PRDM10: variants seen among roughly 807,000 people sequenced by gnomAD.
PRDM10 encodes the protein PR domain zinc finger protein 10.
A neutral mutation model predicts 133.1 loss-of-function variants in PRDM10; 65 were observed. The ratio of observed to expected loss-of-function variants is 0.49; its 90% CI spans 0.40 to 0.60. The LOEUF is 0.60. Among genes scored for constraint, PRDM10 ranks in the 20% least tolerant of loss-of-function variants. The pLI is 0.00. For synonymous variants in PRDM10, 582 were observed against 580.4 expected (o/e 1.00, Z -0.04); for missense variants, 1,137 against 1,507.1 (o/e 0.75, Z 4.07).
Position 129,947,256 on chromosome 11 carries a change from CCT to C in PRDM10, c.407_408del (p.Glu136GlyfsTer2). ...TCAGTGTCCTCGTCCTCATCCTCAT[CCT>C]CTTCCTCTTTGGCCTCCAGTCTGCC... is the stretch of plus-strand genomic sequence containing the variant. ...PLGRLEAKEEEDEDEDEDTEE... is the reference protein window; with the variant it reads ...PLGRLEAKEEXDEDEDEDTEE... On this transcript the variant is annotated frameshift_variant, in exon 5 of 21. Coordinates refer to ENST00000360871, the MANE Select transcript of PRDM10 (RefSeq NM_199437.2). LOFTEE classifies it high-confidence loss of function. The surrounding 1 kb of genome is among the most constrained non-coding windows in gnomAD (Gnocchi z 4.6). The C allele has an allele frequency of 6.2e-7, 1 of 1,614,174 alleles. No individual in the cohort carries two copies. The highest frequency in any genetic ancestry group is 8.5e-7 in the Non-Finnish European group (1 of 1,180,028).
In PRDM10 at chr11:129,900,465, A is replaced by G. The variant is rs1454661565; in HGVS notation, c.*1848T>C. ...TTAAAACAACTGCCATAAAATGAAC[A>G]TTCCATTCAGTGATTCTTTTCAGTT... is the stretch of plus-strand genomic sequence containing the variant. On this transcript the variant is annotated 3_prime_UTR_variant, in exon 21 of 21. Coordinates refer to ENST00000360871, the MANE Select transcript of PRDM10 (RefSeq NM_199437.2). The G allele has an allele frequency of 6.5e-6, 1 of 152,682 alleles. No homozygotes were observed. Among genetic ancestry groups the G allele is most frequent in the Non-Finnish European group, 1.5e-5 (1 of 68,048 alleles). The allele number at this position is 152,682 out of a possible 1,614,324, so 9.5% of individuals were successfully genotyped here.
intron 20 of PRDM10, 57 bp from the exon 21 acceptor site, chr11:129,902,573 C>T (rs1949875888): frequency 1.9e-6 from 3 of 1,564,726 alleles, no homozygotes; most frequent in African/African-American, 2.7e-5. Context: ...GAGGGTGAAG[C>T]TACTGGGGAA....
chr11:129,934,241 G>A (rs191188783), intron 9 of PRDM10, among the ~76,000 whole-genome samples: 1 of 152,208 alleles, frequency 6.6e-6, no homozygotes, highest in African/African-American at 2.4e-5. Flanking sequence ...ATGCTAGTGG[G>A]CTCACTTTCA....
At chr11:129,938,059 C>A (rs1425512061) in intron 7 of PRDM10, among the ~76,000 whole-genome samples, 1 of 152,176 alleles carries the variant, frequency 6.6e-6, no homozygotes, top group East Asian at 1.9e-4. Flanking sequence ...ACCAATGACA[C>A]CTTCCAAGGC....
chr11:129,998,899 T>A (rs1475072651), intron 1 of PRDM10, among the ~76,000 whole-genome samples: 1 of 150,978 alleles, frequency 6.6e-6, no homozygotes, highest in Non-Finnish European at 1.5e-5. Context: ...CTCGGCTCAC[T>A]GCAGCCGCTA....
At chr11:129,904,000 A>G (rs922423584) in intron 20 of PRDM10, among the ~76,000 whole-genome samples, 2 of 152,170 alleles carry the variant, frequency 1.3e-5, no homozygotes, top group African/African-American at 4.8e-5. Flanking sequence ...TACAGGGAAC[A>G]AAAAATGTCC....
At chr11:129,951,597 C>T (rs941702403) in intron 4 of PRDM10, among the ~76,000 whole-genome samples, 1 of 152,208 alleles carries the variant, frequency 6.6e-6, no homozygotes, top group African/African-American at 2.4e-5. Context: ...TAATACCACT[C>T]TCTGTAATTA....
chr11:129,913,552 C>A (rs1313230690), intron 17 of PRDM10, among the ~76,000 whole-genome samples: 3 of 152,230 alleles, frequency 2.0e-5, no homozygotes, highest in South Asian at 4.2e-4. Context: ...AGTTTGTCAC[C>A]ATTAACCCAC....
intron 2 of PRDM10, among the ~76,000 whole-genome samples, 158 bp from the exon 3 acceptor site, chr11:129,958,068 T>C (rs1160708379): frequency 1.3e-5 from 2 of 152,210 alleles, no homozygotes; most frequent in African/African-American, 4.8e-5. Flanking sequence ...TGCAAGGACC[T>C]TGTCATTGAT....
intron 11 of PRDM10, chr11:129,929,493 G>A: frequency 7.5e-7 from 1 of 1,331,506 alleles, no homozygotes. Context: ...CCCTTCAGTT[G>A]GTCATTACCA....
At chr11:129,967,713 T>C (rs61913719) in intron 1 of PRDM10, among the ~76,000 whole-genome samples, 10 of 152,166 alleles carry the variant, frequency 6.6e-5, no homozygotes, top group Non-Finnish European at 1.5e-4. Flanking sequence ...GCTCACCCCA[T>C]GGCGACACTT....
chr11:129,901,496 C>G lies in PRDM10; in HGVS notation c.*817G>C, dbSNP rs1949843489. Reference sequence around the variant, plus strand: ...ATAGTTTTGGAAATTTTTCTTGGTACCAATATCTCCTTCTTACCACCACCA... The same window carrying G: ...ATAGTTTTGGAAATTTTTCTTGGTAGCAATATCTCCTTCTTACCACCACCA... On this transcript the variant is annotated 3_prime_UTR_variant, in exon 21 of 21. Transcript: ENST00000360871. 1.3e-5 allele frequency: 2 copies of G among 152,056 alleles called. No individual in the cohort carries two copies. Among genetic ancestry groups the G allele is most frequent in the Admixed American group, 6.5e-5 (1 of 15,268 alleles). The allele number at this position is 152,056 out of a possible 1,614,324, so 9.4% of individuals were successfully genotyped here.
At chr11:129,917,085 G>T in intron 15 of PRDM10, 42 bp downstream of exon 15, 1 of 1,451,970 alleles carries the variant, frequency 6.9e-7, no homozygotes. Flanking sequence ...GCTCTAAGCA[G>T]GGAACCCCAG....
chr11:129,961,781 T>G (rs1252533472), intron 1 of PRDM10, among the ~76,000 whole-genome samples: 2 of 152,084 alleles, frequency 1.3e-5, no homozygotes, highest in East Asian at 1.9e-4. Flanking sequence ...GGGGTGGGTG[T>G]GTGTATATAT....
Position 129,901,085 on chromosome 11 carries a change from A to G in PRDM10, c.*1228T>C, listed in dbSNP as rs1317111421. The G allele has an allele frequency of 5.2e-5, 8 of 152,582 alleles. No individual in the cohort carries two copies. The allele number at this position is 152,582 out of a possible 1,614,324, so 9.5% of individuals were successfully genotyped here. ...CATGTCACAAAAAGTTAAAATATAT[A>G]CTGATTTTTTAATGCCCAACTAATA... On this transcript the variant is annotated 3_prime_UTR_variant, in exon 21 of 21. Transcript: ENST00000360871.
chr11:129,911,912 G>A (rs931084538), intron 18 of PRDM10, among the ~76,000 whole-genome samples, 173 bp downstream of exon 18: 3 of 152,202 alleles, frequency 2.0e-5, no homozygotes, highest in Admixed American at 6.5e-5. Flanking sequence ...AGCTTAATAT[G>A]TGTCCACAAT....
At chr11:129,936,106 A>G (rs995787331) in intron 8 of PRDM10, among the ~76,000 whole-genome samples, 16 of 152,260 alleles carry the variant, frequency 1.1e-4, no homozygotes, top group East Asian at 7.7e-4. Context: ...AGTCATGCCT[A>G]CGTAATGATG....
At chr11:129,975,245 A>G (rs538808198) in intron 1 of PRDM10, among the ~76,000 whole-genome samples, 5 of 152,166 alleles carry the variant, frequency 3.3e-5, no homozygotes, top group East Asian at 1.9e-4. Flanking sequence ...TGGCAAACAC[A>G]GTGAAACCCC....
chr11:129,967,156 C>T (rs867695206), intron 1 of PRDM10, among the ~76,000 whole-genome samples: 2 of 152,042 alleles, frequency 1.3e-5, no homozygotes, highest in South Asian at 2.1e-4. Context: ...TTTGGGAGGC[C>T]GAGGTGGGTG....
Sources: gnomAD v4.1 joint callset for allele counts (sites outside exome capture counted in the v4.1 genomes callset) on GRCh38, gnomAD v4.1.1 for gene constraint, Gnocchi (gnomAD v3.1) non-coding constraint, MANE v1.5 for transcripts, NCBI Gene and HGNC (gene_info 2026-07-23, HGNC 2026-07-21) for gene names.